SLC35F3: variants seen among roughly 807,000 people sequenced by gnomAD.
The protein encoded by SLC35F3 is putative thiamine transporter SLC35F3.
Under a neutral mutation model 49.9 loss-of-function variants are expected in SLC35F3, and 25 were observed. That is an observed-to-expected ratio of 0.50 (90% CI 0.37 to 0.70). The LOEUF is 0.70. SLC35F3 is among the 30% of genes least tolerant of loss of function. The probability of loss-of-function intolerance (pLI) is 0.00; values close to 1 mark genes in which losing one functional copy is unlikely to be tolerated. For synonymous variants in SLC35F3, 275 were observed against 265.4 expected, an observed-to-expected ratio of 1.04 and a Z score of -0.35; for missense variants, 525 against 639.8, an observed-to-expected ratio of 0.82 and a Z score of 1.94.
At chr1:234,296,226 G>C (rs1034218334) in intron 3 of SLC35F3, among the ~76,000 whole-genome samples, 2 of 152,020 alleles carry the variant, frequency 1.3e-5, no homozygotes, top group African/African-American at 4.8e-5. Flanking sequence ...GCTGTCATTA[G>C]AGCCCATCTC....
intron 3 of SLC35F3, among the ~76,000 whole-genome samples, chr1:234,274,630 C>T (rs1668170316): frequency 6.6e-6 from 1 of 152,206 alleles, no homozygotes; most frequent in African/African-American, 2.4e-5. Flanking sequence ...TAGGATAATG[C>T]ACTTCTCTGC....
chr1:234,049,006 G>T (rs1181360566), intron 2 of SLC35F3, among the ~76,000 whole-genome samples: 1 of 152,110 alleles, frequency 6.6e-6, no homozygotes, highest in Admixed American at 6.5e-5. Context: ...ATAAGAATTT[G>T]CCTCAGCATG....
Position 233,904,743 on chromosome 1 carries a change from G to C in SLC35F3, c.-335G>C, listed in dbSNP as rs1364418575. Among the ~76,000 whole-genome samples the C allele has an allele frequency of 6.6e-6, 1 of 151,756 alleles. No individual in the cohort carries two copies. The highest frequency in any genetic ancestry group is 2.1e-4 in the South Asian group (1 of 4,836). On this transcript the variant is annotated 5_prime_UTR_variant, in exon 1 of 8. Transcript: ENST00000366618. ...CAGCTGGGAGGGCTCTCCCGGTCGC[G>C]GCGAGACTCACGCCTGCGGTGTGCT...
rs1667078786 is a variant in SLC35F3, at chr1:234,214,109, T to C, written c.284-17308T>C. 3.1e-6 allele frequency: 3 copies of C among 983,010 alleles called. No individual in the cohort carries two copies. Among genetic ancestry groups the C allele is most frequent in the African/African-American group, 1.7e-5 (1 of 57,658 alleles). 60.9% of individuals were successfully genotyped at this position (983,010 alleles called of 1,614,324 possible). A position where few individuals can be genotyped will look rare whatever the true frequency, so the allele number is the denominator to read the frequency against. On this transcript the variant is annotated intron_variant, in intron 2 of 7. Coordinates refer to ENST00000366618, the MANE Select transcript of SLC35F3 (RefSeq NM_173508.4). The surrounding 1 kb of genome is among the most constrained non-coding windows in gnomAD (Gnocchi z 8.0). ...GTGGCCAGAGGCTGCAGTCAGGACC[T>C]GGCTGGGAGGAAGACAGGGATGAGG...
chr1:233,936,603 T>C (rs1385811305), intron 2 of SLC35F3, among the ~76,000 whole-genome samples: 1 of 151,752 alleles, frequency 6.6e-6, no homozygotes, highest in Non-Finnish European at 1.5e-5. Context: ...CTTCCCTGTC[T>C]TCTTCCTCTC....
rs1023466636 is a variant in SLC35F3, at chr1:234,214,375, C to T, written c.284-17042C>T. On this transcript the variant is annotated intron_variant, in intron 2 of 7. Transcript: ENST00000366618. This position sits in a 1 kb window ranked among gnomAD's most constrained non-coding sequence, Gnocchi z 8.0. Reference sequence around the variant, plus strand: ...CCGGGGAGGCCGGGACTGAGAGGGGCGAGCCGCTGGTGCTCCCCGGCGGCA... The same window carrying T: ...CCGGGGAGGCCGGGACTGAGAGGGGTGAGCCGCTGGTGCTCCCCGGCGGCA... 2.2e-6 allele frequency: 3 copies of T among 1,356,174 alleles called. No homozygotes were observed. The highest frequency in any genetic ancestry group is 1.5e-5 in the African/African-American group (1 of 64,964). 84.0% of individuals were successfully genotyped at this position (1,356,174 alleles called of 1,614,324 possible).
intron 2 of SLC35F3, among the ~76,000 whole-genome samples, chr1:234,100,428 A>C (rs1242405698): frequency 6.6e-6 from 1 of 152,216 alleles, no homozygotes; most frequent in East Asian, 1.9e-4. Context: ...TTTTTGAGTG[A>C]AACTCGCTAA....
chr1:234,322,400 C>A (rs1657642264), intron 7 of SLC35F3, among the ~76,000 whole-genome samples: 1 of 152,038 alleles, frequency 6.6e-6, no homozygotes, highest in Non-Finnish European at 1.5e-5. Flanking sequence ...TGTACTCTTA[C>A]AATAAAGTTA....
Position 234,323,194 on chromosome 1 carries a change from C to G in SLC35F3, c.1424C>G (p.Ser475Ter). The part of the protein sequence containing the change: ...EPAEGAADLS[S>*]GPQSKNRRAR... ...GCAGAGGGCGCTGCCGACCTGAGCT[C>G]AGGACCTCAGAGCAAGAACAGAAGA... is the stretch of plus-strand genomic sequence containing the variant. The change falls in exon 8 of 8, where the codon TCA (serine) becomes TGA (stop). Residue 475 changes from serine to a stop codon, truncating the protein, a stop_gained. Transcript: ENST00000366618. LOFTEE classifies it high-confidence loss of function. The surrounding 1 kb of genome is among the most constrained non-coding windows in gnomAD (Gnocchi z 4.5). 1 of 1,614,168 alleles carries G rather than the reference C, an allele frequency of 6.2e-7. No homozygotes were observed.
chr1:234,220,362 A>C lies in SLC35F3; in HGVS notation c.284-11055A>C, dbSNP rs116182102. Among the ~76,000 whole-genome samples, 1,044 of 152,070 alleles carry C rather than the reference A, an allele frequency of 6.9e-3. 13 individuals carry two copies. Among genetic ancestry groups the C allele is most frequent in the African/African-American group, 0.022 (903 of 41,450 alleles). On this transcript the variant is annotated intron_variant, in intron 2 of 7. Coordinates refer to ENST00000366618, the MANE Select transcript of SLC35F3 (RefSeq NM_173508.4). ...TGTCATATTGAAGGTATAGCGAAAA[A>C]TTTTTTAAACTCTGCTGGAAAGTAT...
In SLC35F3 at chr1:234,231,863, T is replaced by A; in HGVS notation, c.608+122T>A. 3 of 921,712 alleles carry A rather than the reference T, an allele frequency of 3.3e-6. No homozygotes were observed. The highest frequency in any genetic ancestry group is 1.6e-5 in the South Asian group (1 of 61,738). The allele number at this position is 921,712 out of a possible 1,614,324, so 57.1% of individuals were successfully genotyped here. A position where few individuals can be genotyped will look rare whatever the true frequency, so the allele number is the denominator to read the frequency against. ...GCCGGTGGGAGCCCGTGGAGAGATG[T>A]TGCAGTGAATGCACCTGCTCTCAGT... On this transcript the variant is annotated intron_variant, in intron 3 of 7. Coordinates refer to ENST00000366618, the MANE Select transcript of SLC35F3 (RefSeq NM_173508.4). This position sits in a 1 kb window ranked among gnomAD's most constrained non-coding sequence, Gnocchi z 5.4.
intron 2 of SLC35F3, among the ~76,000 whole-genome samples, chr1:234,173,214 C>T (rs1348421390): frequency 6.6e-6 from 1 of 152,174 alleles, no homozygotes; most frequent in Non-Finnish European, 1.5e-5. Flanking sequence ...CTCGTGGAAG[C>T]TCATAAATGA....
At chr1:234,047,759 A>G (rs1398113025) in intron 2 of SLC35F3, among the ~76,000 whole-genome samples, 1 of 152,176 alleles carries the variant, frequency 6.6e-6, no homozygotes, top group African/African-American at 2.4e-5. Flanking sequence ...ATTTTGGTGG[A>G]GATGGGGTGG....
intron 2 of SLC35F3, among the ~76,000 whole-genome samples, chr1:234,096,731 G>A (rs773870861): frequency 6.6e-6 from 1 of 152,172 alleles, no homozygotes; most frequent in Admixed American, 6.5e-5. Context: ...AAATGGATTT[G>A]AGGGTGGGTA....
intron 2 of SLC35F3, among the ~76,000 whole-genome samples, chr1:233,980,359 A>T (rs527858427): frequency 1.3e-5 from 2 of 152,170 alleles, no homozygotes; most frequent in African/African-American, 4.8e-5. Flanking sequence ...GCCCATAAAA[A>T]GCCCAGGACT....
chr1:233,999,855 T>TG, intron 2 of SLC35F3, among the ~76,000 whole-genome samples: 1 of 152,162 alleles, frequency 6.6e-6, no homozygotes, highest in Middle Eastern at 3.2e-3. Context: ...CCTCACTGCA[T>TG]GAGTATACCA....
intron 2 of SLC35F3, among the ~76,000 whole-genome samples, chr1:234,047,181 G>C (rs1206181145): frequency 6.6e-6 from 1 of 152,192 alleles, no homozygotes; most frequent in Admixed American, 6.5e-5. Context: ...ATGTGAACAT[G>C]ATATGTCTCT....
At chr1:234,266,609 A>G (rs998528800) in intron 3 of SLC35F3, among the ~76,000 whole-genome samples, 2 of 152,226 alleles carry the variant, frequency 1.3e-5, no homozygotes, top group African/African-American at 4.8e-5. Flanking sequence ...AACATCATAT[A>G]GTGTACTTAC....
At chr1:233,982,925 A>T (rs2102822939) in intron 2 of SLC35F3, among the ~76,000 whole-genome samples, 1 of 152,322 alleles carries the variant, frequency 6.6e-6, no homozygotes, top group South Asian at 2.1e-4. Flanking sequence ...ACCTTGCCTA[A>T]CCAGGGGAGT....
Sources: allele counts gnomAD v4.1 joint callset (sites outside exome capture counted in the v4.1 genomes callset), GRCh38; gene constraint gnomAD v4.1.1; non-coding constraint Gnocchi (gnomAD v3.1); transcripts MANE v1.5; gene names NCBI Gene and HGNC (gene_info 2026-07-23, HGNC 2026-07-21).